Variants in MTUS2 observed in about 807,000 individuals in gnomAD.
MTUS2 encodes microtubule-associated tumor suppressor candidate 2.
A neutral mutation model predicts 114.1 loss-of-function variants in MTUS2; 40 were observed. That is an observed-to-expected ratio of 0.35 (90% CI 0.27 to 0.46). The LOEUF (loss-of-function observed/expected upper bound fraction) is 0.46. Ranked by LOEUF, MTUS2 falls within the 20% of genes least tolerant of loss-of-function variation. The pLI is 1.00. For missense variants in MTUS2, 1,679 were observed against 1,705.4 expected (o/e 0.98, Z 0.27); for synonymous variants, 688 against 672.0 (o/e 1.02, Z -0.37).
At chr13:29,014,987 GA>G (rs371141467) in intron 2 of MTUS2, among the ~76,000 whole-genome samples, 4 of 152,336 alleles carry the variant, frequency 2.6e-5, no homozygotes, top group African/African-American at 7.2e-5. Context: ...CAGTGCCCGG[GA>G]TGACTCCCAG....
chr13:29,308,315 C>G (rs976009383), intron 6 of MTUS2, among the ~76,000 whole-genome samples: 5 of 152,174 alleles, frequency 3.3e-5, no homozygotes, highest in Non-Finnish European at 7.3e-5. Flanking sequence ...AAAGGATTCC[C>G]TATTTAATAA....
chr13:29,292,847 G>GCT (rs907881116), intron 6 of MTUS2, among the ~76,000 whole-genome samples: 19 of 152,164 alleles, frequency 1.2e-4, no homozygotes, highest in African/African-American at 4.3e-4. Context: ...GAGCTTCTTG[G>GCT]CTAAAGGTAG....
chr13:28,852,536 T>C (rs1432119317), intron 2 of MTUS2, among the ~76,000 whole-genome samples: 1 of 152,152 alleles, frequency 6.6e-6, no homozygotes, highest in African/African-American at 2.4e-5. Context: ...AATATATTTG[T>C]TTCTGAGCAA....
At chr13:29,376,555 A>G (rs1411902097) in intron 8 of MTUS2, among the ~76,000 whole-genome samples, 1 of 151,898 alleles carries the variant, frequency 6.6e-6, no homozygotes, top group Non-Finnish European at 1.5e-5. Flanking sequence ...GAGTTCAAAC[A>G]TATCAATAAT....
intron 2 of MTUS2, among the ~76,000 whole-genome samples, chr13:28,968,245 TTC>T: frequency 6.6e-6 from 1 of 152,322 alleles, no homozygotes; most frequent in South Asian, 2.1e-4. Context: ...CAAAATATAT[TTC>T]ATACTGTGAG....
chr13:29,225,428 C>T (rs909186908), intron 5 of MTUS2, among the ~76,000 whole-genome samples: 10 of 152,204 alleles, frequency 6.6e-5, no homozygotes, highest in Non-Finnish European at 1.2e-4. Flanking sequence ...CCTATCACAA[C>T]GGGGCAATTG....
At chr13:29,132,514 C>G (rs956129620) in intron 5 of MTUS2, among the ~76,000 whole-genome samples, 3 of 152,128 alleles carry the variant, frequency 2.0e-5, no homozygotes, top group African/African-American at 7.2e-5. Flanking sequence ...TCTGCATTTC[C>G]CCCAACCCTC....
At chr13:28,861,059 G>A (rs751460609) in intron 2 of MTUS2, among the ~76,000 whole-genome samples, 2 of 152,194 alleles carry the variant, frequency 1.3e-5, no homozygotes, top group Non-Finnish European at 2.9e-5. Context: ...CAGGGACCAG[G>A]CTGGTAGAGG....
chr13:29,482,268 CAG>C (rs1392208492), intron 10 of MTUS2: 2 of 152,236 alleles, frequency 1.3e-5, no homozygotes, highest in Admixed American at 6.5e-5. Flanking sequence ...CATCTCCACT[CAG>C]GGGCCAGGAC....
intron 2 of MTUS2, among the ~76,000 whole-genome samples, chr13:28,980,166 A>G (rs750826806): frequency 1.3e-5 from 2 of 152,234 alleles, no homozygotes; most frequent in Non-Finnish European, 2.9e-5. Context: ...AAATGTATTG[A>G]TTTTGTGAAT....
At chr13:29,049,132 G>A (rs1887770988) in intron 4 of MTUS2, among the ~76,000 whole-genome samples, 1 of 152,210 alleles carries the variant, frequency 6.6e-6, no homozygotes, top group Non-Finnish European at 1.5e-5. Flanking sequence ...GGCTGAAAAA[G>A]CAAATGGCAG....
chr13:29,026,495 G>A lies in MTUS2; in HGVS notation c.1797G>A (p.Lys599=). The change falls in exon 3 of 16, where the codon AAG becomes AAA. Residue 599 remains lysine, a synonymous_variant. Transcript: ENST00000612955. ...ACACTTGCCCCAGTGGGATCCCCAA[G>A]CCTGTCTTCACACATTCCAAGGACA... The part of the protein sequence containing the change: ...DKNTCPSGIP[K]PVFTHSKDTP... 6.2e-7 allele frequency: 1 copy of A among 1,613,984 alleles called. No individual in the cohort carries two copies. The highest frequency in any genetic ancestry group is 8.5e-7 in the Non-Finnish European group (1 of 1,179,892).
intron 1 of MTUS2, among the ~76,000 whole-genome samples, chr13:28,825,221 G>A (rs1874184873): frequency 6.6e-6 from 1 of 152,172 alleles, no homozygotes; most frequent in South Asian, 2.1e-4. Context: ...GACCATACCT[G>A]AATAGGAGTA....
intron 2 of MTUS2, among the ~76,000 whole-genome samples, chr13:28,994,600 G>A (rs927768844): frequency 6.6e-5 from 10 of 152,148 alleles, no homozygotes; most frequent in Non-Finnish European, 1.2e-4. Context: ...ATTCTAAATG[G>A]TGTGAGACGG....
intron 4 of MTUS2, among the ~76,000 whole-genome samples, chr13:29,061,343 A>T (rs1267820419): frequency 6.6e-6 from 1 of 152,116 alleles, no homozygotes; most frequent in Non-Finnish European, 1.5e-5. Context: ...AGATGTCTCC[A>T]TTTTGGCTGT....
intron 5 of MTUS2, among the ~76,000 whole-genome samples, chr13:29,232,166 A>T (rs1293720530): frequency 6.6e-6 from 1 of 152,118 alleles, no homozygotes; most frequent in Non-Finnish European, 1.5e-5. Context: ...TGCTTTTATT[A>T]ATAAAAGCCA....
At chr13:29,336,675 G>A (rs1390302989) in intron 7 of MTUS2, among the ~76,000 whole-genome samples, 1 of 152,220 alleles carries the variant, frequency 6.6e-6, no homozygotes, top group Non-Finnish European at 1.5e-5. Flanking sequence ...GCTGTGCTGG[G>A]AAATCCACTG....
At chr13:29,485,241 C>G (rs1431933716) in intron 10 of MTUS2, 1 of 152,638 alleles carries the variant, frequency 6.6e-6, no homozygotes, top group Non-Finnish European at 1.5e-5. Context: ...CCTCCAATTC[C>G]TTCTGGTTCC....
chr13:29,129,102 T>G (rs1476401700), intron 5 of MTUS2, among the ~76,000 whole-genome samples: 3 of 152,200 alleles, frequency 2.0e-5, no homozygotes, highest in Non-Finnish European at 4.4e-5. Flanking sequence ...GCGGACACTC[T>G]GTGCACTTTC....
Sources: gnomAD v4.1 joint callset for allele counts (sites outside exome capture counted in the v4.1 genomes callset) on GRCh38, gnomAD v4.1.1 for gene constraint, MANE v1.5 for transcripts, NCBI Gene and HGNC (gene_info 2026-07-23, HGNC 2026-07-21) for gene names.